The following NFILZ variants were observed in gnomAD, a reference collection of about 807,000 sequenced individuals.
The protein encoded by NFILZ is NFIL3 like protein.
chr19:8,666,756 C>G (rs1037112004), intron 3 of NFILZ, among the ~76,000 whole-genome samples: 1 of 151,814 alleles, frequency 6.6e-6, no homozygotes, highest in Admixed American at 6.6e-5. Context: ...TTTTTTGAGA[C>G]AGAATCTCAC....
chr19:8,635,397 A>G (rs1348643779), intron 2 of NFILZ, among the ~76,000 whole-genome samples: 1 of 150,330 alleles, frequency 6.7e-6, no homozygotes, highest in Non-Finnish European at 1.5e-5. Flanking sequence ...GCCCCTCTGG[A>G]GTCAATTTCT....
intron 3 of NFILZ, among the ~76,000 whole-genome samples, chr19:8,669,673 G>GCAT (rs1187115110): frequency 6.6e-6 from 1 of 152,214 alleles, no homozygotes; most frequent in Non-Finnish European, 1.5e-5. Context: ...TTAACCTGGT[G>GCAT]CATTAGGAAG....
chr19:8,670,330 A>C (rs1474702970), intron 3 of NFILZ, among the ~76,000 whole-genome samples: 1 of 152,104 alleles, frequency 6.6e-6, no homozygotes, highest in Non-Finnish European at 1.5e-5. Context: ...TTGAACTCCT[A>C]GGCTCAAGTG....
intron 3 of NFILZ, among the ~76,000 whole-genome samples, chr19:8,640,538 A>G (rs1482973439): frequency 6.6e-6 from 1 of 152,064 alleles, no homozygotes; most frequent in African/African-American, 2.4e-5. Context: ...TTTGATGTCA[A>G]GCTGTCTTGA....
intron 3 of NFILZ, among the ~76,000 whole-genome samples, chr19:8,661,977 G>C (rs542995443): frequency 6.6e-6 from 1 of 151,996 alleles, no homozygotes; most frequent in African/African-American, 2.4e-5. Context: ...AGGAAGGAGG[G>C]TCCACTGAGG....
At chr19:8,656,219 A>AGCCCG (rs2042992014) in intron 3 of NFILZ, among the ~76,000 whole-genome samples, 8 of 133,106 alleles carry the variant, frequency 6.0e-5, no homozygotes, top group African/African-American at 1.6e-4. Flanking sequence ...CCTGCAGCCC[A>AGCCCG]CCTTCTCCCA....
At chr19:8,661,108 T>TTCCTTCCTCCTTCCTTCCTTCC (rs201541584) in intron 3 of NFILZ, among the ~76,000 whole-genome samples, 1 of 96,994 alleles carries the variant, frequency 1.0e-5, no homozygotes, top group East Asian at 3.9e-4. Context: ...TCCTCCTTCC[T>TTCCTTCCTCCTTCCTTCCTTCC]TCCTTCCTTC....
chr19:8,633,882 CCTTCCTTCCTT>C (rs2042881739), intron 2 of NFILZ, among the ~76,000 whole-genome samples: 2 of 29,160 alleles, frequency 6.9e-5, no homozygotes, highest in African/African-American at 1.1e-4. Flanking sequence ...TTTCTCCCTT[CCTTCCTTCCTT>C]CCTTCCTTCC....
intron 3 of NFILZ, among the ~76,000 whole-genome samples, chr19:8,652,252 G>A (rs529556045): frequency 2.0e-5 from 3 of 152,176 alleles, no homozygotes; most frequent in Admixed American, 2.0e-4. Context: ...ACAGGCGCCC[G>A]CCACCACACC....
intron 3 of NFILZ, among the ~76,000 whole-genome samples, chr19:8,644,784 T>C (rs2042932072): frequency 6.6e-6 from 1 of 151,474 alleles, no homozygotes; most frequent in African/African-American, 2.4e-5. Flanking sequence ...TTTTTTTTTT[T>C]GACTGAGTTT....
chr19:8,664,366 C>A (rs1319950746), intron 3 of NFILZ, among the ~76,000 whole-genome samples: 1 of 152,182 alleles, frequency 6.6e-6, no homozygotes, highest in Non-Finnish European at 1.5e-5. Context: ...GCCCACCCCC[C>A]ACTTCCTGCC....
At chr19:8,639,904 A>C (rs1026671317) in intron 3 of NFILZ, among the ~76,000 whole-genome samples, 1 of 152,146 alleles carries the variant, frequency 6.6e-6, no homozygotes, top group East Asian at 1.9e-4. Flanking sequence ...AACACTATTT[A>C]AAAAACCCTG....
At chr19:8,666,912 C>CT (rs35846585) in intron 3 of NFILZ, among the ~76,000 whole-genome samples, 2,222 of 128,166 alleles carry the variant, frequency 0.017, 46 homozygotes, top group African/African-American at 0.059. Context: ...TTTTTGAAAA[C>CT]TTTTTTTTTT....
In NFILZ at chr19:8,649,982, G is replaced by A. The variant is rs117185155; in HGVS notation, c.-164+14236G>A. On this transcript the variant is annotated intron_variant, in intron 3 of 5. Coordinates refer to ENST00000691075, the MANE Select transcript of NFILZ (RefSeq NM_001378600.1). ...ATACAAAAATTAGCCGGTCTTGGTCGTGGGCGCCTGTAATCCCAGCCACTT... is the reference window on the plus strand; with the variant it reads ...ATACAAAAATTAGCCGGTCTTGGTCATGGGCGCCTGTAATCCCAGCCACTT... Among the ~76,000 whole-genome samples, 27 of 152,070 alleles carry A rather than the reference G, an allele frequency of 1.8e-4. No homozygotes were observed. In the East Asian group the frequency reaches 4.5e-3, roughly 25 times the overall value.
At chr19:8,661,069 C>T (rs1600150264) in intron 3 of NFILZ, among the ~76,000 whole-genome samples, 1 of 101,804 alleles carries the variant, frequency 9.8e-6, no homozygotes, top group Non-Finnish European at 2.1e-5. Flanking sequence ...TTCCTTCCCC[C>T]TCCCTCCCTT....
At chr19:8,657,176 C>T (rs1568421929) in intron 3 of NFILZ, among the ~76,000 whole-genome samples, 1 of 151,364 alleles carries the variant, frequency 6.6e-6, no homozygotes. Flanking sequence ...GACGGAGTCT[C>T]ACTCTGTCAC....
Position 8,678,431 on chromosome 19 carries a change from C to T in NFILZ, c.*796C>T, listed in dbSNP as rs1462701951. Among the ~76,000 whole-genome samples, 1 of 151,696 alleles carries T rather than the reference C, an allele frequency of 6.6e-6. No homozygotes were observed. Among genetic ancestry groups the T allele is most frequent in the Non-Finnish European group, 1.5e-5 (1 of 67,908 alleles). ...ATCTATGCATGCATCCATCCATCCTCATCCACTCATCCACCCATCCTCACC... is the reference window on the plus strand; with the variant it reads ...ATCTATGCATGCATCCATCCATCCTTATCCACTCATCCACCCATCCTCACC... On this transcript the variant is annotated 3_prime_UTR_variant, in exon 6 of 6. Coordinates refer to ENST00000691075, the MANE Select transcript of NFILZ (RefSeq NM_001378600.1).
At chr19:8,668,311 T>C (rs2043071961) in intron 3 of NFILZ, among the ~76,000 whole-genome samples, 2 of 104,650 alleles carry the variant, frequency 1.9e-5, no homozygotes, top group African/African-American at 7.1e-5. Flanking sequence ...TTTTTTCAAA[T>C]ACTGTATTTT....
chr19:8,663,760 G>GTA (rs1267863037), intron 3 of NFILZ, among the ~76,000 whole-genome samples: 1 of 136,254 alleles, frequency 7.3e-6, no homozygotes, highest in African/African-American at 2.7e-5. Flanking sequence ...GTGTGTGTGT[G>GTA]TGTGTGTGTG....
Sources: gnomAD v4.1 joint callset for allele counts (sites outside exome capture counted in the v4.1 genomes callset) on GRCh38, gnomAD v4.1.1 for gene constraint, MANE v1.5 for transcripts, NCBI Gene and HGNC (gene_info 2026-07-23, HGNC 2026-07-21) for gene names.